Variants in STARD13 observed in about 807,000 individuals in gnomAD.
STARD13 encodes stAR-related lipid transfer protein 13.
STARD13 carries 62 observed loss-of-function variants against 106.4 expected under a neutral mutation model. The observed-to-expected ratio is 0.58, with a 90% confidence interval of 0.48 to 0.72. The LOEUF (loss-of-function observed/expected upper bound fraction) is 0.72, where lower values mean the gene tolerates loss of function less well. STARD13 is among the 30% of genes least tolerant of loss of function. The pLI is 0.00. For synonymous variants in STARD13, 565 were observed against 553.0 expected (o/e 1.02, Z -0.31); for missense variants, 1,387 against 1,424.0 (o/e 0.97, Z 0.42).
chr13:33,269,296 G>C (rs553693115), intron 1 of STARD13, among the ~76,000 whole-genome samples: 4 of 152,252 alleles, frequency 2.6e-5, no homozygotes, highest in East Asian at 3.9e-4. Context: ...ACTTAAACAC[G>C]TTAAGGAATA....
chr13:33,150,793 G>A (rs17695257), intron 3 of STARD13, among the ~76,000 whole-genome samples: 58,648 of 152,076 alleles, frequency 0.39, 11,460 homozygotes, highest in South Asian at 0.53. Context: ...CCTTGAGAAG[G>A]GCTAATACGC....
chr13:33,135,273 G>A (rs1323672557), intron 4 of STARD13, among the ~76,000 whole-genome samples: 3 of 152,236 alleles, frequency 2.0e-5, no homozygotes, highest in Admixed American at 6.5e-5. Flanking sequence ...TACAGAAATT[G>A]AGAGTAAGAA....
chr13:33,116,615 G>A (rs1375489496), intron 8 of STARD13, among the ~76,000 whole-genome samples: 1 of 152,230 alleles, frequency 6.6e-6, no homozygotes, highest in Non-Finnish European at 1.5e-5. Context: ...TTTAGCCTTA[G>A]ACTAGTGTCA....
chr13:33,463,528 T>C, the STARD13 span, among the ~76,000 whole-genome samples: 1 of 152,312 alleles, frequency 6.6e-6, no homozygotes, highest in East Asian at 1.9e-4. Flanking sequence ...GTTCTCAATT[T>C]GGTCCAGTGT....
chr13:33,435,491 G>T, the STARD13 span, among the ~76,000 whole-genome samples: 5 of 152,018 alleles, frequency 3.3e-5, no homozygotes, highest in Admixed American at 1.3e-4. Context: ...ATAAAACTAA[G>T]GTTCTTCTTG....
chr13:33,104,483 C>T lies in STARD13; in HGVS notation c.*1110G>A, dbSNP rs1368968579. 1.3e-5 allele frequency: 2 copies of T among 152,688 alleles called. No homozygotes were observed. The highest frequency in any genetic ancestry group is 1.3e-4 in the Admixed American group (2 of 15,290). 9.5% of individuals were successfully genotyped at this position (152,688 alleles called of 1,614,324 possible). ...AATTACATTTTAAGAGTATCCTACA[C>T]ATAACAAAATATGAATTCCCTGAAG... On this transcript the variant is annotated 3_prime_UTR_variant, in exon 14 of 14. Coordinates refer to ENST00000336934, the MANE Select transcript of STARD13 (RefSeq NM_178006.4).
the STARD13 span, chr13:33,661,276 C>T: frequency 1.3e-5 from 2 of 152,174 alleles, no homozygotes; most frequent in African/African-American, 2.4e-5. Context: ...TGAGGACTTG[C>T]CTTTCACTGC....
the STARD13 span, among the ~76,000 whole-genome samples, chr13:33,542,692 C>T: frequency 6.6e-6 from 1 of 152,248 alleles, no homozygotes; most frequent in East Asian, 1.9e-4. Flanking sequence ...ACGCGGGAAC[C>T]CTCCAGAAGT....
the STARD13 span, among the ~76,000 whole-genome samples, chr13:33,518,114 C>G: frequency 6.6e-6 from 1 of 152,098 alleles, no homozygotes; most frequent in Non-Finnish European, 1.5e-5. Flanking sequence ...GAAACAACTT[C>G]CAGGAGCACA....
chr13:33,130,213 C>A lies in STARD13; in HGVS notation c.464G>T (p.Arg155Leu). Residue 155 changes from arginine (R) to leucine (L), a missense_variant, in exon 5 of 14, where the codon CGT becomes CTT. Arg to Leu is a moderately radical substitution (Grantham distance 102). Transcript: ENST00000336934. The surrounding 1 kb of genome is among the most constrained non-coding windows in gnomAD (Gnocchi z 4.1). Reference sequence around the variant, plus strand: ...GAGCAGCGTGTAGAGGTCGTCCACACGAGACCACCTGCGACTGGTTCTTTG... The same window carrying A: ...GAGCAGCGTGTAGAGGTCGTCCACAAGAGACCACCTGCGACTGGTTCTTTG... ...TFQRTSRRWS[R>L]VDDLYTLLPR... The A allele has an allele frequency of 1.2e-6, 2 of 1,611,898 alleles. No individual in the cohort carries two copies. The highest frequency in any genetic ancestry group is 2.2e-5 in the South Asian group (2 of 91,070).
chr13:33,331,543 T>TTTTTTA (rs1297841025), intron 1 of STARD13, among the ~76,000 whole-genome samples: 20 of 151,118 alleles, frequency 1.3e-4, no homozygotes, highest in Admixed American at 5.9e-4. Flanking sequence ...TTTTTTTTTT[T>TTTTTTA]TTAGTAGAGA....
Position 33,237,821 on chromosome 13 carries a change from TG to T in STARD13, c.169+47648del, listed in dbSNP as rs1889268646. 5.9e-5 allele frequency among the ~76,000 whole-genome samples: 9 copies of T among 152,364 alleles called. No homozygotes were observed. In the South Asian group the frequency reaches 1.9e-3, roughly 32 times the overall value. On this transcript the variant is annotated intron_variant, in intron 1 of 13. Coordinates refer to ENST00000336934, the MANE Select transcript of STARD13 (RefSeq NM_178006.4). Reference sequence around the variant, plus strand: ...CCAATTGGGTTGAGAAGAGTCTTTATGGCTTAGAATCAAATGAAACATTTTA... The same window carrying T: ...CCAATTGGGTTGAGAAGAGTCTTTATGCTTAGAATCAAATGAAACATTTTA...
intron 1 of STARD13, among the ~76,000 whole-genome samples, chr13:33,261,646 G>A (rs893887274): frequency 6.6e-6 from 1 of 152,094 alleles, no homozygotes; most frequent in Non-Finnish European, 1.5e-5. Flanking sequence ...CCCAAAGAAC[G>A]AGACTTTCAT....
chr13:33,538,096 C>CA, the STARD13 span, among the ~76,000 whole-genome samples: 1 of 151,938 alleles, frequency 6.6e-6, no homozygotes, highest in Non-Finnish European at 1.5e-5. Flanking sequence ...TCTTTATTAG[C>CA]ATAAAGACTC....
At chr13:33,607,721 C>T in the STARD13 span, among the ~76,000 whole-genome samples, 1 of 152,016 alleles carries the variant, frequency 6.6e-6, no homozygotes, top group Non-Finnish European at 1.5e-5. Flanking sequence ...AGAATTTATG[C>T]AAACTATTAG....
intron 1 of STARD13, among the ~76,000 whole-genome samples, chr13:33,329,943 A>T (rs1324994805): frequency 6.6e-6 from 1 of 152,098 alleles, no homozygotes; most frequent in Non-Finnish European, 1.5e-5. Flanking sequence ...ACCTCAAGTG[A>T]TCCGCCCCCA....
chr13:33,180,645 C>G (rs2138447313), intron 1 of STARD13: 1 of 152,296 alleles, frequency 6.6e-6, no homozygotes, highest in Middle Eastern at 3.4e-3. Flanking sequence ...CCCAGGTCGG[C>G]TTCCTAAGGT....
At chr13:33,200,698 T>A (rs1250494576) in intron 1 of STARD13, among the ~76,000 whole-genome samples, 1 of 152,190 alleles carries the variant, frequency 6.6e-6, no homozygotes. Context: ...TTGTTGCACA[T>A]GGAACACAAC....
At chr13:33,340,237 A>G (rs2077945051) in intron 1 of STARD13, among the ~76,000 whole-genome samples, 1 of 152,156 alleles carries the variant, frequency 6.6e-6, no homozygotes, top group Non-Finnish European at 1.5e-5. Context: ...AGGTTCTCAC[A>G]CTGTCACCCA....
Sources: gnomAD v4.1 joint callset for allele counts (sites outside exome capture counted in the v4.1 genomes callset) on GRCh38, gnomAD v4.1.1 for gene constraint, Gnocchi (gnomAD v3.1) non-coding constraint, MANE v1.5 for transcripts, NCBI Gene and HGNC (gene_info 2026-07-23, HGNC 2026-07-21) for gene names.